The following SLC16A7 variants were observed in gnomAD, a reference collection of about 807,000 sequenced individuals.
SLC16A7 encodes the protein solute carrier family 16 member 7, also known as monocarboxylate transporter 2.
Under a neutral mutation model 34.9 loss-of-function variants are expected in SLC16A7, and 33 were observed. The ratio of observed to expected loss-of-function variants is 0.94; its 90% CI spans 0.72 to 1.26. The LOEUF is 1.26. SLC16A7 is among the 50% of genes most tolerant of loss of function. The probability of loss-of-function intolerance (pLI) is 0.00; values close to 1 mark genes in which losing one functional copy is unlikely to be tolerated. For synonymous variants in SLC16A7, 201 were observed against 206.6 expected, an observed-to-expected ratio of 0.97 and a Z score of 0.23; for missense variants, 573 against 578.1, an observed-to-expected ratio of 0.99 and a Z score of 0.09.
Position 59,785,678 on chromosome 12 carries a change from A to G in SLC16A7, c.*5999A>G, listed in dbSNP as rs1307298197. On this transcript the variant is annotated 3_prime_UTR_variant, in exon 6 of 6. Transcript: ENST00000547379. ...TACATGTTTTTCAGTCTCCATATATACTTGTTAATAAGGTGAGCAATATTC... is the reference window on the plus strand; with the variant it reads ...TACATGTTTTTCAGTCTCCATATATGCTTGTTAATAAGGTGAGCAATATTC... 2.0e-5 allele frequency: 3 copies of G among 152,058 alleles called. No individual in the cohort carries two copies. In the South Asian group the frequency reaches 6.2e-4, roughly 32 times the overall value. 9.4% of individuals were successfully genotyped at this position (152,058 alleles called of 1,614,324 possible). A position where few individuals can be genotyped will look rare whatever the true frequency, so the allele number is the denominator to read the frequency against.
chr12:59,641,874 T>C (rs183503416), intron 1 of SLC16A7, among the ~76,000 whole-genome samples: 92 of 152,128 alleles, frequency 6.0e-4, no homozygotes, highest in Middle Eastern at 3.4e-3. Context: ...TAAGGCAGTG[T>C]AGAGTTTGTC....
rs1882617889 is a variant in SLC16A7 at position 59,775,105 on chromosome 12, A to G, written c.810A>G (p.Pro270=). 3.7e-6 allele frequency: 6 copies of G among 1,614,104 alleles called. No homozygotes were observed. Among genetic ancestry groups the G allele is most frequent in the African/African-American group, 1.3e-5 (1 of 75,058 alleles). The change falls in exon 5 of 6, where the codon CCA becomes CCG. Residue 270 remains proline, a synonymous_variant. Transcript: ENST00000547379. ...TTGCCCCCATTATATTCTTGGCTCC[A>G]TATGCTAAAGACCAAGGAATTGATG... ...GFFAPIIFLA[P]YAKDQGIDEY...
chr12:59,621,025 C>T (rs1879675751), intron 1 of SLC16A7, among the ~76,000 whole-genome samples: 1 of 151,836 alleles, frequency 6.6e-6, no homozygotes, highest in South Asian at 2.1e-4. Context: ...TGGACAGTTG[C>T]ATTTTTAGCA....
chr12:59,755,142 A>T (rs1376563253), intron 3 of SLC16A7, among the ~76,000 whole-genome samples: 2 of 152,192 alleles, frequency 1.3e-5, no homozygotes, highest in Non-Finnish European at 2.9e-5. Flanking sequence ...ACCCACAGCC[A>T]ATATCATACT....
At chr12:59,643,251 A>G (rs1021403588) in intron 1 of SLC16A7, among the ~76,000 whole-genome samples, 1 of 152,160 alleles carries the variant, frequency 6.6e-6, no homozygotes, top group Non-Finnish European at 1.5e-5. Context: ...AGAACTAATA[A>G]CATTTCTGAC....
At chr12:59,640,766 C>T (rs1351511175) in intron 1 of SLC16A7, among the ~76,000 whole-genome samples, 2 of 152,126 alleles carry the variant, frequency 1.3e-5, no homozygotes, top group African/African-American at 4.8e-5. Flanking sequence ...ACCCATCCTT[C>T]ATCTTGGAAG....
At chr12:59,666,056 T>G (rs1198451902) in intron 2 of SLC16A7, among the ~76,000 whole-genome samples, 1 of 152,070 alleles carries the variant, frequency 6.6e-6, no homozygotes, top group Non-Finnish European at 1.5e-5. Context: ...GATTTTACAA[T>G]TGGAGTTTGG....
chr12:59,687,252 G>A (rs1871234773), intron 2 of SLC16A7, among the ~76,000 whole-genome samples: 3 of 151,850 alleles, frequency 2.0e-5, no homozygotes, highest in Admixed American at 2.0e-4. Flanking sequence ...AATCCTGCAA[G>A]TCCTGTAACA....
At chr12:59,714,472 C>T (rs901804298) in intron 3 of SLC16A7, among the ~76,000 whole-genome samples, 4 of 152,094 alleles carry the variant, frequency 2.6e-5, no homozygotes, top group African/African-American at 2.4e-5. Context: ...CCTCTCTCTT[C>T]GGCTTGTTAG....
At chr12:59,721,707 T>C (rs762956925) in intron 3 of SLC16A7, among the ~76,000 whole-genome samples, 32 of 152,086 alleles carry the variant, frequency 2.1e-4, no homozygotes, top group Non-Finnish European at 4.4e-4. Flanking sequence ...GAAATTGCTC[T>C]TTCCAAGTTT....
chr12:59,653,134 T>A (rs1868375115), intron 1 of SLC16A7, among the ~76,000 whole-genome samples: 1 of 151,868 alleles, frequency 6.6e-6, no homozygotes, highest in Non-Finnish European at 1.5e-5. Flanking sequence ...ATGAAACTTT[T>A]ACTGCACTAT....
intron 2 of SLC16A7, among the ~76,000 whole-genome samples, chr12:59,672,063 ATATATC>A (rs1869863165): frequency 0.071 from 1 of 14 alleles, no homozygotes; most frequent in Non-Finnish European, 0.25. Flanking sequence ...TATATATCGC[ATATATC>A]CGTATATATA....
At chr12:59,720,166 A>T (rs1431535681) in intron 3 of SLC16A7, 2 of 676,694 alleles carry the variant, frequency 3.0e-6, no homozygotes, top group African/African-American at 3.6e-5. Context: ...AATTGGAAAG[A>T]TAATAAATTT....
rs746302724 is a variant in SLC16A7 at position 59,775,432 on chromosome 12, A to C, written c.1137A>C (p.Thr379=). The change falls in exon 5 of 6, where the codon ACA becomes ACC. Residue 379 remains threonine, a synonymous_variant. Coordinates refer to ENST00000547379, the MANE Select transcript of SLC16A7 (RefSeq NM_001270623.2). Reference sequence around the variant, plus strand: ...TTTCCAGTGCCGTCGGACTTGTCACAATTGTGGAGTGTGGCCCAGTTCTTC... The same window carrying C: ...TTTCCAGTGCCGTCGGACTTGTCACCATTGTGGAGTGTGGCCCAGTTCTTC... The part of the protein sequence containing the change: ...PRFSSAVGLV[T]IVECGPVLLG... 6.2e-7 allele frequency: 1 copy of C among 1,614,048 alleles called. No homozygotes were observed. Among genetic ancestry groups the C allele is most frequent in the Non-Finnish European group, 8.5e-7 (1 of 1,179,954 alleles).
At chr12:59,646,701 A>C (rs1051567577) in intron 1 of SLC16A7, among the ~76,000 whole-genome samples, 1 of 152,128 alleles carries the variant, frequency 6.6e-6, no homozygotes, top group Admixed American at 6.6e-5. Context: ...AACAGCTTGC[A>C]TTGTGCACCT....
At chr12:59,599,758 C>A (rs1878596633) in intron 1 of SLC16A7, among the ~76,000 whole-genome samples, 1 of 152,214 alleles carries the variant, frequency 6.6e-6, no homozygotes, top group African/African-American at 2.4e-5. Context: ...AAAAAGTACC[C>A]TCCTGTTTTC....
chr12:59,680,117 C>A (rs573383548), intron 2 of SLC16A7, among the ~76,000 whole-genome samples: 7 of 152,248 alleles, frequency 4.6e-5, no homozygotes, highest in African/African-American at 1.7e-4. Flanking sequence ...GGGAGGCTAT[C>A]CCACTTTGCA....
chr12:59,716,876 T>G (rs1399131907), intron 3 of SLC16A7, among the ~76,000 whole-genome samples: 1 of 152,012 alleles, frequency 6.6e-6, no homozygotes, highest in Admixed American at 6.6e-5. Flanking sequence ...AATAAAAGAA[T>G]TATCTATAAA....
chr12:59,638,581 A>T (rs1269106703), intron 1 of SLC16A7, among the ~76,000 whole-genome samples: 2 of 152,148 alleles, frequency 1.3e-5, no homozygotes, highest in African/African-American at 4.8e-5. Context: ...AACATTTTCA[A>T]AATACTTTCT....
Sources: gnomAD v4.1 joint callset for allele counts (sites outside exome capture counted in the v4.1 genomes callset) on GRCh38, gnomAD v4.1.1 for gene constraint, MANE v1.5 for transcripts, NCBI Gene and HGNC (gene_info 2026-07-23, HGNC 2026-07-21) for gene names.